Variants in CNTN5 observed in about 807,000 individuals in gnomAD.
CNTN5 encodes contactin-5.
CNTN5 carries 77 observed loss-of-function variants against 129.1 expected under a neutral mutation model. The ratio of observed to expected loss-of-function variants is 0.60; its 90% CI spans 0.50 to 0.72. The LOEUF (loss-of-function observed/expected upper bound fraction) is 0.72, where lower values mean the gene tolerates loss of function less well. CNTN5 is among the 30% of genes least tolerant of loss of function. The pLI is 0.00. For missense variants in CNTN5, 1,478 were observed against 1,328.8 expected (o/e 1.11, Z -1.75); for synonymous variants, 509 against 465.6 (o/e 1.09, Z -1.20).
intron 3 of CNTN5, among the ~76,000 whole-genome samples, chr11:99,731,424 C>T (rs1943530614): frequency 1.3e-5 from 2 of 152,120 alleles, no homozygotes; most frequent in Admixed American, 1.3e-4. Flanking sequence ...CTCTCTTTGT[C>T]ATGGAGTTAG....
At chr11:99,589,469 C>T (rs1232101350) in intron 3 of CNTN5, among the ~76,000 whole-genome samples, 1 of 152,080 alleles carries the variant, frequency 6.6e-6, no homozygotes, top group Middle Eastern at 3.2e-3. Context: ...AAGTAAAGCA[C>T]ATGTATATTT....
At chr11:99,142,235 GT>G (rs1432963330) in intron 1 of CNTN5, among the ~76,000 whole-genome samples, 4 of 152,138 alleles carry the variant, frequency 2.6e-5, no homozygotes, top group African/African-American at 7.2e-5. Flanking sequence ...CTTTGATGGT[GT>G]GTGCCAGAAA....
chr11:99,686,322 T>C (rs1355493978), intron 3 of CNTN5, among the ~76,000 whole-genome samples: 2 of 152,128 alleles, frequency 1.3e-5, no homozygotes, highest in African/African-American at 4.8e-5. Flanking sequence ...CTGCTGTTGA[T>C]GAATCTTCTT....
chr11:99,501,040 T>A (rs1344926059), intron 2 of CNTN5, among the ~76,000 whole-genome samples: 2 of 152,188 alleles, frequency 1.3e-5, no homozygotes, highest in South Asian at 2.1e-4. Flanking sequence ...TTGTATATAT[T>A]CTCTGTTTTG....
chr11:99,390,201 T>C (rs959047437), intron 2 of CNTN5, among the ~76,000 whole-genome samples: 4 of 151,918 alleles, frequency 2.6e-5, no homozygotes, highest in Non-Finnish European at 5.9e-5. Context: ...TACTGTAACC[T>C]TGAATTTCTG....
At chr11:99,882,594 G>GT (rs1381950876) in intron 6 of CNTN5, among the ~76,000 whole-genome samples, 1 of 151,968 alleles carries the variant, frequency 6.6e-6, no homozygotes, top group African/African-American at 2.4e-5. Context: ...CATAGTAGGT[G>GT]TATGTGTTTA....
At chr11:99,312,502 A>G (rs1353131560) in intron 1 of CNTN5, among the ~76,000 whole-genome samples, 1 of 152,136 alleles carries the variant, frequency 6.6e-6, no homozygotes, top group Non-Finnish European at 1.5e-5. Flanking sequence ...AATGGTAGTT[A>G]ATTGTTTCTG....
chr11:100,213,406 T>C (rs1261377564), intron 15 of CNTN5, among the ~76,000 whole-genome samples: 2 of 152,194 alleles, frequency 1.3e-5, no homozygotes, highest in Non-Finnish European at 2.9e-5. Flanking sequence ...GAAGCTGTAT[T>C]ATACAGTTAG....
chr11:99,796,312 G>A (rs1045472396), intron 3 of CNTN5, among the ~76,000 whole-genome samples: 2 of 152,160 alleles, frequency 1.3e-5, no homozygotes, highest in Admixed American at 6.5e-5. Context: ...GGCACTCATA[G>A]CGTGGTGGAG....
In CNTN5 at chr11:100,002,299, TAC is replaced by T. The variant is rs150833146; in HGVS notation, c.980+165_980+166del. ...AATGGCAATTGATGAAGTAATCAGT[TAC>T]AGTTATCTTCTAGTCATTTCTATGG... is the stretch of plus-strand genomic sequence containing the variant. On this transcript the variant is annotated intron_variant, in intron 9 of 24. Coordinates refer to ENST00000524871, the MANE Select transcript of CNTN5 (RefSeq NM_014361.4). 1.7e-3 allele frequency among the ~76,000 whole-genome samples: 263 copies of T among 152,314 alleles called. 2 individuals are homozygous for T. In the East Asian group the frequency reaches 0.03, roughly 17 times the overall value.
At chr11:99,587,866 T>A (rs1949850599) in intron 3 of CNTN5, among the ~76,000 whole-genome samples, 1 of 152,166 alleles carries the variant, frequency 6.6e-6, no homozygotes, top group South Asian at 2.1e-4. Context: ...CTGAGTGACA[T>A]TAGGAGCAGA....
Position 100,356,105 on chromosome 11 carries a change from CT to C in CNTN5, c.3200-6del. On this transcript the variant is annotated splice_polypyrimidine_tract_variant and intron_variant, in intron 24 of 24. Transcript: ENST00000524871. Reference sequence around the variant, plus strand: ...AGATAATTTGCTCCATTTGATGCTTCTTTTTTCACAGGTGGAAAAATCACAA... The same window carrying C: ...AGATAATTTGCTCCATTTGATGCTTCTTTTTCACAGGTGGAAAAATCACAA... 3 of 1,589,322 alleles carry C rather than the reference CT, an allele frequency of 1.9e-6. No individual in the cohort carries two copies. The highest frequency in any genetic ancestry group is 2.7e-5 in the African/African-American group (2 of 74,220).
At chr11:99,387,782 A>ATG (rs1406833955) in intron 2 of CNTN5, among the ~76,000 whole-genome samples, 2 of 152,108 alleles carry the variant, frequency 1.3e-5, no homozygotes, top group Admixed American at 1.3e-4. Context: ...GTATATAGAC[A>ATG]TGTCAAGCCC....
chr11:99,671,100 C>A (rs1307963826), intron 3 of CNTN5, among the ~76,000 whole-genome samples: 1 of 151,390 alleles, frequency 6.6e-6, no homozygotes. Context: ...TTCTCTCGCT[C>A]GCTCGCTCGC....
At chr11:100,344,364 T>C (rs375583091) in intron 23 of CNTN5, among the ~76,000 whole-genome samples, 105 of 152,300 alleles carry the variant, frequency 6.9e-4, no homozygotes, top group African/African-American at 2.5e-3. Context: ...ATTCAGTGCA[T>C]AAATAATGTA....
intron 6 of CNTN5, among the ~76,000 whole-genome samples, chr11:99,850,613 G>C (rs981467103): frequency 3.9e-5 from 6 of 151,954 alleles, no homozygotes; most frequent in Admixed American, 3.3e-4. Flanking sequence ...CTTTCGAAAG[G>C]TGATTTTTTT....
intron 6 of CNTN5, among the ~76,000 whole-genome samples, chr11:99,871,568 T>C (rs113647841): frequency 6.6e-6 from 1 of 152,138 alleles, no homozygotes; most frequent in South Asian, 2.1e-4. Context: ...GTGTTTAATG[T>C]CAGGTACTGG....
intron 2 of CNTN5, among the ~76,000 whole-genome samples, chr11:99,453,506 T>G (rs2135202238): frequency 6.6e-6 from 1 of 152,300 alleles, no homozygotes; most frequent in African/African-American, 2.4e-5. Context: ...ACAGCTTTTG[T>G]AAATAGCAAA....
rs542736393 is a variant in CNTN5, at chr11:99,227,946, A to C, written c.-209-97400A>C. Among the ~76,000 whole-genome samples the C allele has an allele frequency of 5.9e-5, 9 of 152,302 alleles. No individual in the cohort carries two copies. In the South Asian group the frequency reaches 1.9e-3, roughly 32 times the overall value. ...CTATTGAAATTTTATCTCAGTATAC[A>C]AAGTGGATATTTTCCCACATCATTA... On this transcript the variant is annotated intron_variant, in intron 1 of 24. Coordinates refer to ENST00000524871, the MANE Select transcript of CNTN5 (RefSeq NM_014361.4).
Sources: gnomAD v4.1 joint callset for allele counts (sites outside exome capture counted in the v4.1 genomes callset) on GRCh38, gnomAD v4.1.1 for gene constraint, MANE v1.5 for transcripts, NCBI Gene and HGNC (gene_info 2026-07-23, HGNC 2026-07-21) for gene names.